Variants in GOLM2 observed in about 807,000 individuals in gnomAD.
The protein encoded by GOLM2 is golgi membrane protein 2, also known as protein GOLM2.
GOLM2 carries 26 observed loss-of-function variants against 55.9 expected under a neutral mutation model. The observed-to-expected ratio is 0.47, with a 90% CI of 0.34 to 0.65. The LOEUF (loss-of-function observed/expected upper bound fraction) is 0.65. Ranked by LOEUF, GOLM2 falls within the 30% of genes least tolerant of loss-of-function variation. The probability of loss-of-function intolerance (pLI) is 0.01; values close to 1 mark genes in which losing one functional copy is unlikely to be tolerated. For synonymous variants in GOLM2, 165 were observed against 194.6 expected (o/e 0.85, Z 1.27); for missense variants, 486 against 531.8 (o/e 0.91, Z 0.85).
chr15:44,376,746 A>C (rs188899611), intron 6 of GOLM2, among the ~76,000 whole-genome samples: 1 of 152,156 alleles, frequency 6.6e-6, no homozygotes, highest in African/African-American at 2.4e-5. Flanking sequence ...CGTTTGTTTC[A>C]GTACGACTAA....
intron 2 of GOLM2, among the ~76,000 whole-genome samples, chr15:44,323,934 TG>T (rs2078966817): frequency 6.6e-6 from 1 of 152,226 alleles, no homozygotes; most frequent in Admixed American, 6.5e-5. Context: ...AATAAGTTGT[TG>T]ATTTCCTATT....
At chr15:44,347,205 A>G (rs1478008572) in intron 6 of GOLM2, among the ~76,000 whole-genome samples, 1 of 152,220 alleles carries the variant, frequency 6.6e-6, no homozygotes, top group Non-Finnish European at 1.5e-5. Context: ...TCCTCCCTGC[A>G]GTAGCACCAA....
chr15:44,376,229 C>A (rs935837105), intron 6 of GOLM2, among the ~76,000 whole-genome samples: 2 of 152,066 alleles, frequency 1.3e-5, no homozygotes, highest in African/African-American at 2.4e-5. Flanking sequence ...AGCAAAACTC[C>A]GTCTCAAAAA....
chr15:44,404,591 G>T (rs951318591), intron 9 of GOLM2, among the ~76,000 whole-genome samples: 1 of 150,730 alleles, frequency 6.6e-6, no homozygotes, highest in Admixed American at 6.6e-5. Context: ...TTTGTGATTT[G>T]TTTGGATTAT....
At chr15:44,374,307 T>C (rs987933275) in intron 6 of GOLM2, among the ~76,000 whole-genome samples, 5 of 152,062 alleles carry the variant, frequency 3.3e-5, no homozygotes, top group Non-Finnish European at 7.4e-5. Flanking sequence ...GCTTTATCAA[T>C]GATATATGTT....
At chr15:44,381,083 A>G in intron 8 of GOLM2, 107 bp downstream of exon 8, 1 of 619,826 alleles carries the variant, frequency 1.6e-6, no homozygotes. Context: ...GAAGTTATAT[A>G]TATTTAAAGA....
intron 6 of GOLM2, among the ~76,000 whole-genome samples, chr15:44,360,791 A>G (rs1296561989): frequency 6.6e-6 from 1 of 152,180 alleles, no homozygotes; most frequent in Non-Finnish European, 1.5e-5. Flanking sequence ...AAAATTGACC[A>G]CATAGTTGGA....
At chr15:44,397,125 A>G (rs1437642644) in intron 8 of GOLM2, among the ~76,000 whole-genome samples, 1 of 152,248 alleles carries the variant, frequency 6.6e-6, no homozygotes, top group African/African-American at 2.4e-5. Context: ...GCAGAACTGT[A>G]TTAAAGGTTG....
At chr15:44,310,160 G>A (rs1250799754) in intron 1 of GOLM2, among the ~76,000 whole-genome samples, 1 of 152,060 alleles carries the variant, frequency 6.6e-6, no homozygotes, top group African/African-American at 2.4e-5. Flanking sequence ...CTGGGATTAC[G>A]GGCGTGAGCT....
intron 1 of GOLM2, among the ~76,000 whole-genome samples, chr15:44,305,708 T>G (rs1567021132): frequency 1.3e-5 from 2 of 152,206 alleles, no homozygotes; most frequent in Non-Finnish European, 1.5e-5. Flanking sequence ...TATAGCCTTA[T>G]GAAAGGTATT....
chr15:44,390,060 A>T (rs1442384018), intron 8 of GOLM2: 1 of 152,222 alleles, frequency 6.6e-6, no homozygotes, highest in African/African-American at 2.4e-5. Flanking sequence ...TGATATATTT[A>T]TAAAGAGCTG....
intron 6 of GOLM2, among the ~76,000 whole-genome samples, chr15:44,357,271 T>C (rs577251595): frequency 6.5e-4 from 99 of 151,660 alleles, no homozygotes; most frequent in Non-Finnish European, 1.3e-3. Context: ...TCAAGTAACA[T>C]AATTCATCGT....
At chr15:44,394,473 A>T (rs1355432908) in intron 8 of GOLM2, among the ~76,000 whole-genome samples, 1 of 152,092 alleles carries the variant, frequency 6.6e-6, no homozygotes, top group African/African-American at 2.4e-5. Flanking sequence ...TGCTTCTTTC[A>T]TTTCCTTTAT....
chr15:44,395,525 A>C (rs2079519871), intron 8 of GOLM2, among the ~76,000 whole-genome samples: 1 of 148,542 alleles, frequency 6.7e-6, no homozygotes, highest in Admixed American at 6.7e-5. Flanking sequence ...ACGTGTTTCT[A>C]TTTTATTTTA....
intron 1 of GOLM2, among the ~76,000 whole-genome samples, chr15:44,291,379 C>G (rs2078719832): frequency 6.6e-6 from 1 of 152,150 alleles, no homozygotes; most frequent in Non-Finnish European, 1.5e-5. Flanking sequence ...ATATTCCTTT[C>G]TCCCAACCAA....
intron 3 of GOLM2, among the ~76,000 whole-genome samples, chr15:44,330,679 C>T (rs922836725): frequency 2.6e-5 from 4 of 151,962 alleles, no homozygotes; most frequent in African/African-American, 9.7e-5. Flanking sequence ...TACAGTGAAC[C>T]ATAATCATGC....
intron 4 of GOLM2, among the ~76,000 whole-genome samples, chr15:44,336,341 T>C (rs1374563814): frequency 6.8e-6 from 1 of 147,568 alleles, no homozygotes; most frequent in African/African-American, 2.5e-5. Flanking sequence ...ATGGTCTCTA[T>C]CTCCTGACCT....
In GOLM2 at chr15:44,413,316, C is replaced by A; in HGVS notation, c.1241-20C>A. ...TGATTTAAAAAATAATATGTTGATA[C>A]AAAATTATTTTACTTACAGATGATG... On this transcript the variant is annotated intron_variant, in intron 9 of 9. Coordinates refer to ENST00000299957, the MANE Select transcript of GOLM2 (RefSeq NM_138423.4). The A allele has an allele frequency of 6.4e-7, 1 of 1,572,608 alleles. No individual in the cohort carries two copies. The highest frequency in any genetic ancestry group is 2.2e-5 in the East Asian group (1 of 44,490).
intron 1 of GOLM2, among the ~76,000 whole-genome samples, chr15:44,299,173 G>A (rs1478158123): frequency 1.3e-5 from 2 of 152,158 alleles, no homozygotes. Context: ...CTCTAGCACT[G>A]TGAGACAATA....
Sources: allele counts gnomAD v4.1 joint callset (sites outside exome capture counted in the v4.1 genomes callset), GRCh38; gene constraint gnomAD v4.1.1; transcripts MANE v1.5; gene names NCBI Gene and HGNC (gene_info 2026-07-23, HGNC 2026-07-21).